INTU: variants seen among roughly 807,000 people sequenced by gnomAD.
The protein encoded by INTU is protein inturned.
A neutral mutation model predicts 100.5 loss-of-function variants in INTU; 68 were observed. The observed-to-expected ratio is 0.68, with a 90% CI of 0.56 to 0.83. The LOEUF (loss-of-function observed/expected upper bound fraction) is 0.83. Ranked by LOEUF, INTU falls within the 40% of genes least tolerant of loss-of-function variation. INTU has a pLI of 0.00. For missense variants in INTU, 1,071 were observed against 1,114.7 expected, an observed-to-expected ratio of 0.96 and a Z score of 0.56; for synonymous variants, 357 against 395.7, an observed-to-expected ratio of 0.90 and a Z score of 1.16.
chr4:127,710,849 A>T, intron 13 of INTU, 64 bp from the exon 14 acceptor site: 1 of 996,412 alleles, frequency 1.0e-6, no homozygotes, highest in East Asian at 2.7e-5. Flanking sequence ...ATTCAAAATG[A>T]ACCAATATTT....
At chr4:127,696,524 G>GCC (rs551663606) in intron 8 of INTU, among the ~76,000 whole-genome samples, 3 of 148,632 alleles carry the variant, frequency 2.0e-5, no homozygotes, top group African/African-American at 7.5e-5. Context: ...CTGTACTAAT[G>GCC]CCCCCCCCCT....
At chr4:127,688,922 G>A (rs940152109) in intron 8 of INTU, among the ~76,000 whole-genome samples, 1 of 128,446 alleles carries the variant, frequency 7.8e-6, no homozygotes, top group African/African-American at 3.0e-5. Context: ...GATATTTCAG[G>A]ACAATAATTA....
At chr4:127,658,547 T>TA (rs1030899494) in intron 3 of INTU, among the ~76,000 whole-genome samples, 6 of 152,116 alleles carry the variant, frequency 3.9e-5, no homozygotes, top group Non-Finnish European at 8.8e-5. Flanking sequence ...CCAAGTGGAG[T>TA]AGCTATGTAT....
intron 7 of INTU, 93 bp from the exon 8 acceptor site, chr4:127,687,585 T>C (rs1201621926): frequency 4.6e-6 from 4 of 876,034 alleles, no homozygotes; most frequent in Non-Finnish European, 7.3e-6. Flanking sequence ...AGATAGCCTA[T>C]GTAGTTGGGA....
At chr4:127,702,721 C>T (rs1730701360) in intron 9 of INTU, among the ~76,000 whole-genome samples, 1 of 151,998 alleles carries the variant, frequency 6.6e-6, no homozygotes, top group Non-Finnish European at 1.5e-5. Flanking sequence ...CTGTGTTTTC[C>T]TTAGTTTTTA....
At chr4:127,647,552 A>C (rs566325145) in intron 2 of INTU, among the ~76,000 whole-genome samples, 1 of 152,212 alleles carries the variant, frequency 6.6e-6, no homozygotes, top group East Asian at 1.9e-4. Flanking sequence ...CTTTTAAGTT[A>C]ATTACAACTG....
chr4:127,654,898 A>G (rs1402049422), intron 2 of INTU, among the ~76,000 whole-genome samples: 3 of 142,994 alleles, frequency 2.1e-5, no homozygotes, highest in African/African-American at 5.3e-5. Context: ...ATAGTCCCAT[A>G]TTTCTTGGAG....
intron 2 of INTU, among the ~76,000 whole-genome samples, chr4:127,656,187 G>C (rs543188512): frequency 6.6e-6 from 1 of 152,098 alleles, no homozygotes; most frequent in Non-Finnish European, 1.5e-5. Context: ...TGTCTTCTGC[G>C]TCGCTCACAC....
intron 2 of INTU, among the ~76,000 whole-genome samples, chr4:127,656,245 C>G (rs1728215779): frequency 1.3e-5 from 2 of 152,066 alleles, no homozygotes; most frequent in African/African-American, 4.8e-5. Context: ...CTTGGCTCCT[C>G]TGTTTTGTTT....
chr4:127,651,428 T>G (rs929084042), intron 2 of INTU, among the ~76,000 whole-genome samples: 1 of 152,204 alleles, frequency 6.6e-6, no homozygotes, highest in East Asian at 1.9e-4. Context: ...GTTTCAGCTT[T>G]CTACATATGG....
Position 127,723,477 on chromosome 4 carries a change from A to T in INTU, c.*7041A>T, listed in dbSNP as rs1227816901. On this transcript the variant is annotated 3_prime_UTR_variant, in exon 16 of 16. Transcript: ENST00000335251. ...TATTCCTTATCAGATACTTTTCGTT[A>T]ATTTAACTATCCTAGTACATACCTC... 6 of 142,552 alleles carry T rather than the reference A, an allele frequency of 4.2e-5. No homozygotes were observed. Among genetic ancestry groups the T allele is most frequent in the Admixed American group, 3.6e-4 (5 of 13,928 alleles). The allele number at this position is 142,552 out of a possible 1,614,324, so 8.8% of individuals were successfully genotyped here. A position where few individuals can be genotyped will look rare whatever the true frequency, so the allele number is the denominator to read the frequency against.
At position 127,721,702 on chromosome 4, in the gene INTU, CT is replaced by C. The variant is rs1377717019; in HGVS notation, c.*5268del. The C allele has an allele frequency of 1.3e-5, 2 of 152,098 alleles. No individual in the cohort carries two copies. Among genetic ancestry groups the C allele is most frequent in the Non-Finnish European group, 2.9e-5 (2 of 68,032 alleles). 9.4% of individuals were successfully genotyped at this position (152,098 alleles called of 1,614,324 possible). A position where few individuals can be genotyped will look rare whatever the true frequency, so the allele number is the denominator to read the frequency against. ...TTTTTCTCTAATCTTGTCTGCCTGC[CT>C]TATTTCAGCAAGATAGTCTTCAAAC... On this transcript the variant is annotated 3_prime_UTR_variant, in exon 16 of 16. Transcript: ENST00000335251.
At chr4:127,661,124 A>G (rs1728457213) in intron 3 of INTU, among the ~76,000 whole-genome samples, 1 of 152,170 alleles carries the variant, frequency 6.6e-6, no homozygotes, top group Non-Finnish European at 1.5e-5. Flanking sequence ...TCCCTAAGGA[A>G]TTTTAATGGA....
intron 8 of INTU, among the ~76,000 whole-genome samples, chr4:127,698,910 C>CT (rs1469260514): frequency 6.6e-6 from 1 of 152,112 alleles, no homozygotes; most frequent in Non-Finnish European, 1.5e-5. Context: ...AAAAGGGAAC[C>CT]TGAAGTATTT....
At position 127,722,007 on chromosome 4, in the gene INTU, A is replaced by G. The variant is rs1272922539; in HGVS notation, c.*5571A>G. 6.6e-6 allele frequency: 1 copy of G among 152,182 alleles called. No homozygotes were observed. The highest frequency in any genetic ancestry group is 1.5e-5 in the Non-Finnish European group (1 of 68,036). The allele number at this position is 152,182 out of a possible 1,614,324, so 9.4% of individuals were successfully genotyped here. Reference sequence around the variant, plus strand: ...CAGCCCAGTTCTGTGCCCTTGCTAGAGACATGTTGCAATCTTTTGGAGGAG... The same window carrying G: ...CAGCCCAGTTCTGTGCCCTTGCTAGGGACATGTTGCAATCTTTTGGAGGAG... On this transcript the variant is annotated 3_prime_UTR_variant, in exon 16 of 16. Coordinates refer to ENST00000335251, the MANE Select transcript of INTU (RefSeq NM_015693.4).
intron 1 of INTU, among the ~76,000 whole-genome samples, chr4:127,642,929 C>T (rs1727396580): frequency 6.6e-6 from 1 of 151,286 alleles, no homozygotes. Context: ...ACTATATTAA[C>T]TGTGATTATA....
At chr4:127,707,420 A>T (rs1730933318) in intron 12 of INTU, among the ~76,000 whole-genome samples, 1 of 151,056 alleles carries the variant, frequency 6.6e-6, no homozygotes, top group Non-Finnish European at 1.5e-5. Context: ...AAAAAAAAGA[A>T]ATATCAAATA....
At chr4:127,693,179 A>G (rs1277611106) in intron 8 of INTU, among the ~76,000 whole-genome samples, 1 of 152,100 alleles carries the variant, frequency 6.6e-6, no homozygotes, top group African/African-American at 2.4e-5. Context: ...CAGTATGGCC[A>G]TTTTCACAAT....
chr4:127,692,078 T>A (rs1484471907), intron 8 of INTU, among the ~76,000 whole-genome samples: 2 of 151,430 alleles, frequency 1.3e-5, no homozygotes, highest in African/African-American at 4.9e-5. Context: ...TGCAAATATC[T>A]TATTTGTATA....
Sources: gnomAD v4.1 joint callset for allele counts (sites outside exome capture counted in the v4.1 genomes callset) on GRCh38, gnomAD v4.1.1 for gene constraint, MANE v1.5 for transcripts, NCBI Gene and HGNC (gene_info 2026-07-23, HGNC 2026-07-21) for gene names.